The following B3GALT1 variants were observed in gnomAD, a reference collection of about 807,000 sequenced individuals.
B3GALT1 encodes UDP-Gal:betaGlcNAc beta 1,3-galactosyltransferase, polypeptide 1.
A neutral mutation model predicts 23.2 loss-of-function variants in B3GALT1; 10 were observed. The ratio of observed to expected loss-of-function variants is 0.43; its 90% confidence interval spans 0.27 to 0.73. The LOEUF is 0.73. Ranked by LOEUF, B3GALT1 falls within the 30% of genes least tolerant of loss-of-function variation. B3GALT1 has a pLI of 0.21. For missense variants in B3GALT1, 299 were observed against 405.4 expected, an observed-to-expected ratio of 0.74 and a Z score of 2.25; for synonymous variants, 156 against 141.5, an observed-to-expected ratio of 1.10 and a Z score of -0.73.
chr2:167,369,769 A>G lies in B3GALT1; in HGVS notation c.-511+76435A>G, dbSNP rs188062373. 2.0e-5 allele frequency among the ~76,000 whole-genome samples: 3 copies of G among 152,376 alleles called. No homozygotes were observed. The East Asian group carries it at 5.8e-4, about 29-fold the overall frequency. On this transcript the variant is annotated intron_variant, in intron 1 of 4. Coordinates refer to ENST00000392690, the MANE Select transcript of B3GALT1 (RefSeq NM_020981.4). ...AGGAAAGGGATATGTGATATTAAGT[A>G]TAATCGTGGTTATGATTAAATAAAA...
chr2:167,461,391 A>G (rs1225792154), intron 1 of B3GALT1, among the ~76,000 whole-genome samples: 5 of 152,276 alleles, frequency 3.3e-5, no homozygotes, highest in Admixed American at 6.5e-5. Context: ...TAGCAGACAG[A>G]TTCTGCCAGT....
At chr2:167,691,845 A>G (rs1686719547) in intron 3 of B3GALT1, among the ~76,000 whole-genome samples, 1 of 152,196 alleles carries the variant, frequency 6.6e-6, no homozygotes, top group African/African-American at 2.4e-5. Context: ...AAGCACAGGC[A>G]GGACCTATAA....
Position 167,843,598 on chromosome 2 carries a change from TA to T in B3GALT1, c.-230+24807del, listed in dbSNP as rs1351772339. Among the ~76,000 whole-genome samples, 3 of 152,270 alleles carry T rather than the reference TA, an allele frequency of 2.0e-5. No homozygotes were observed. In the East Asian group the frequency reaches 5.8e-4, roughly 29 times the overall value. ...ATTCCTGGACAAGCTCTGAGATAAATAACCAGGAAGACTTCAAACCAAACAT... is the reference window on the plus strand; with the variant it reads ...ATTCCTGGACAAGCTCTGAGATAAATACCAGGAAGACTTCAAACCAAACAT... On this transcript the variant is annotated intron_variant, in intron 4 of 4. Transcript: ENST00000392690.
intron 1 of B3GALT1, among the ~76,000 whole-genome samples, chr2:167,451,070 C>T (rs754249530): frequency 2.0e-5 from 3 of 151,860 alleles, no homozygotes; most frequent in Non-Finnish European, 4.4e-5. Context: ...TATGTTATTT[C>T]CCTGAAGATT....
intron 3 of B3GALT1, among the ~76,000 whole-genome samples, chr2:167,768,324 T>C (rs1272958282): frequency 6.6e-6 from 1 of 152,208 alleles, no homozygotes; most frequent in Non-Finnish European, 1.5e-5. Flanking sequence ...CAAAAATTTT[T>C]CTCTACACTG....
rs151295061 is a variant in B3GALT1, at chr2:167,645,846, C to T, written c.-409-1063C>T. On this transcript the variant is annotated intron_variant, in intron 2 of 4. Coordinates refer to ENST00000392690, the MANE Select transcript of B3GALT1 (RefSeq NM_020981.4). ...TTGGCCTCCCAAAGTGCTGGGATCACAGGTGTAAGCCACCACACCCGGCCC... is the reference window on the plus strand; with the variant it reads ...TTGGCCTCCCAAAGTGCTGGGATCATAGGTGTAAGCCACCACACCCGGCCC... 3.6e-3 allele frequency among the ~76,000 whole-genome samples: 548 copies of T among 152,162 alleles called. 3 individuals are homozygous for T. The highest frequency in any genetic ancestry group is 5.6e-3 in the Non-Finnish European group (380 of 68,018).
intron 3 of B3GALT1, among the ~76,000 whole-genome samples, chr2:167,673,097 A>ATTCC (rs1686361288): frequency 6.6e-6 from 1 of 152,062 alleles, no homozygotes; most frequent in Non-Finnish European, 1.5e-5. Flanking sequence ...GATATAGTAG[A>ATTCC]TAAAATGTGA....
intron 1 of B3GALT1, among the ~76,000 whole-genome samples, chr2:167,468,408 AG>A (rs1699378960): frequency 6.6e-6 from 1 of 152,212 alleles, no homozygotes; most frequent in African/African-American, 2.4e-5. Flanking sequence ...AAGATTAAAA[AG>A]CAATATAACT....
At chr2:167,622,670 T>G (rs1484807171) in intron 2 of B3GALT1, among the ~76,000 whole-genome samples, 1 of 152,120 alleles carries the variant, frequency 6.6e-6, no homozygotes, top group African/African-American at 2.4e-5. Flanking sequence ...TTTTAATATC[T>G]CTAAAAAGGA....
At chr2:167,386,301 T>TA (rs536567472) in intron 1 of B3GALT1, among the ~76,000 whole-genome samples, 2,205 of 150,102 alleles carry the variant, frequency 0.015, 18 homozygotes, top group African/African-American at 0.022. Context: ...TTCTTTATGG[T>TA]AAAAAAAAAA....
intron 1 of B3GALT1, among the ~76,000 whole-genome samples, chr2:167,441,220 C>A (rs1242286730): frequency 6.6e-6 from 1 of 152,218 alleles, no homozygotes; most frequent in Admixed American, 6.5e-5. Context: ...CATGATTGCA[C>A]TTTTGACTTG....
intron 3 of B3GALT1, among the ~76,000 whole-genome samples, chr2:167,797,426 C>G (rs755618086): frequency 1.6e-4 from 24 of 152,200 alleles, no homozygotes; most frequent in Admixed American, 1.2e-3. Context: ...GTGAATAGTG[C>G]TAGAATGAAT....
At chr2:167,508,927 T>A (rs1002806883) in intron 2 of B3GALT1, among the ~76,000 whole-genome samples, 1 of 152,208 alleles carries the variant, frequency 6.6e-6, no homozygotes, top group Admixed American at 6.5e-5. Context: ...CATAGGAATT[T>A]AATATGTTTA....
chr2:167,809,112 C>A (rs1286679267), intron 3 of B3GALT1, among the ~76,000 whole-genome samples: 1 of 152,186 alleles, frequency 6.6e-6, no homozygotes. Flanking sequence ...ACGTAGTCCT[C>A]GTGCCTTGGT....
At chr2:167,779,122 A>G (rs1216431729) in intron 3 of B3GALT1, among the ~76,000 whole-genome samples, 1 of 78,610 alleles carries the variant, frequency 1.3e-5, no homozygotes, top group Non-Finnish European at 2.4e-5. Flanking sequence ...CAAAATAGAA[A>G]TACATCTTTC....
chr2:167,325,247 T>C (rs547528160), intron 1 of B3GALT1, among the ~76,000 whole-genome samples: 1 of 152,190 alleles, frequency 6.6e-6, no homozygotes, highest in East Asian at 1.9e-4. Flanking sequence ...TGTTTTAGTT[T>C]GTTCTTGCAT....
At chr2:167,645,926 C>T (rs1352391884) in intron 2 of B3GALT1, among the ~76,000 whole-genome samples, 5 of 151,922 alleles carry the variant, frequency 3.3e-5, no homozygotes, top group Non-Finnish European at 7.4e-5. Context: ...TGTAAAATGT[C>T]TGTGTGAGTT....
chr2:167,428,904 A>T (rs960904677), intron 1 of B3GALT1, among the ~76,000 whole-genome samples: 4 of 152,154 alleles, frequency 2.6e-5, no homozygotes, highest in South Asian at 2.1e-4. Context: ...TAATTTAATT[A>T]ATAAATATAT....
intron 1 of B3GALT1, among the ~76,000 whole-genome samples, chr2:167,417,203 T>A (rs900444783): frequency 1.3e-5 from 2 of 152,110 alleles, no homozygotes; most frequent in Admixed American, 1.3e-4. Flanking sequence ...TAAGAGGTGA[T>A]TGGGTCATGA....
Sources: gnomAD v4.1 joint callset for allele counts (sites outside exome capture counted in the v4.1 genomes callset) on GRCh38, gnomAD v4.1.1 for gene constraint, MANE v1.5 for transcripts, NCBI Gene and HGNC (gene_info 2026-07-23, HGNC 2026-07-21) for gene names.